Variants in CCDC14 observed in about 807,000 individuals in gnomAD.
CCDC14 encodes coiled-coil domain containing 14, also known as coiled-coil domain-containing protein 14.
Under a neutral mutation model 81.4 loss-of-function variants are expected in CCDC14, and 71 were observed. The ratio of observed to expected loss-of-function variants is 0.87; its 90% CI spans 0.72 to 1.06. The LOEUF (loss-of-function observed/expected upper bound fraction) is 1.06, where lower values mean the gene tolerates loss of function less well. Among genes scored for constraint, CCDC14 ranks in the 50% least tolerant of loss-of-function variants. CCDC14 has a pLI of 0.00. For missense variants in CCDC14, 1,046 were observed against 1,047.3 expected (o/e 1.00, Z 0.02); for synonymous variants, 332 against 364.8 (o/e 0.91, Z 1.03).
At chr3:123,907,477 G>A (rs929675338) in intron 5 of CCDC14, among the ~76,000 whole-genome samples, 5 of 151,680 alleles carry the variant, frequency 3.3e-5, no homozygotes, top group African/African-American at 1.2e-4. Flanking sequence ...GGAGGCCAAG[G>A]CATGAGGATT....
At chr3:123,892,690 C>T (rs10934654), downstream of CCDC14, among the ~76,000 whole-genome samples, 22,203 of 145,186 alleles carry the variant, frequency 0.15, 2,865 homozygotes, top group East Asian at 0.38. Flanking sequence ...TCCTCCAATT[C>T]GACATGAGAT....
the CCDC14 span, among the ~76,000 whole-genome samples, chr3:123,887,556 C>T: frequency 0.074 from 11,219 of 151,954 alleles, 688 homozygotes; most frequent in East Asian, 0.35. Context: ...CTGGGAAGTC[C>T]AAGATCAAGG....
chr3:123,952,639 A>G (rs1287832872), intron 5 of CCDC14: 6 of 528,082 alleles, frequency 1.1e-5, no homozygotes, highest in South Asian at 7.1e-5. Flanking sequence ...TTCAATGATC[A>G]TATCATCCCA....
At position 123,942,525 on chromosome 3, in the gene CCDC14, C is replaced by T. The variant is rs75342037; in HGVS notation, c.1343+2324G>A. Among the ~76,000 whole-genome samples, 93 of 152,152 alleles carry T rather than the reference C, an allele frequency of 6.1e-4. 2 individuals carry two copies. In the South Asian group the frequency reaches 0.011, roughly 18 times the overall value. On this transcript the variant is annotated intron_variant, in intron 9 of 12. Coordinates refer to ENST00000409697, the MANE Select transcript of CCDC14 (RefSeq NM_001366335.1). ...CAAAGAATCCTAAATGAGTGCATCTCACTAGCTATCATGCCTCTACAGGCT... is the reference window on the plus strand; with the variant it reads ...CAAAGAATCCTAAATGAGTGCATCTTACTAGCTATCATGCCTCTACAGGCT...
At chr3:123,943,340 T>C (rs913573570) in intron 9 of CCDC14, among the ~76,000 whole-genome samples, 4 of 152,042 alleles carry the variant, frequency 2.6e-5, no homozygotes, top group Admixed American at 2.0e-4. Context: ...AATATTCAGG[T>C]ACTTTAGGCC....
In CCDC14 at chr3:123,915,491, G is replaced by T. The variant is rs1176859713; in HGVS notation, c.2006C>A (p.Thr669Asn). Residue 669 changes from threonine to asparagine, a missense_variant, in exon 13 of 13, where the codon ACC (threonine) becomes AAC (asparagine). Coordinates refer to ENST00000409697, the MANE Select transcript of CCDC14 (RefSeq NM_001366335.1). ...EPLSTIKNEETIEPDKTYENV... is the reference protein window; with the variant it reads ...EPLSTIKNEENIEPDKTYENV... ...TTCATAGGTTTTGTCTGGCTCTATG[G>T]TTTCCTCATTTTTAATTGTAGAAAG... The T allele has an allele frequency of 1.2e-6, 2 of 1,613,908 alleles. No individual in the cohort carries two copies. Among genetic ancestry groups the T allele is most frequent in the East Asian group, 4.5e-5 (2 of 44,876 alleles).
intron 5 of CCDC14, chr3:123,952,450 C>G (rs2037072052): frequency 3.3e-6 from 1 of 304,980 alleles, no homozygotes. Flanking sequence ...TGAAAGCATT[C>G]AACACAGTTA....
intron 5 of CCDC14, chr3:123,954,279 T>C (rs1163019109): frequency 1.3e-5 from 2 of 152,192 alleles, no homozygotes; most frequent in Non-Finnish European, 2.9e-5. Context: ...ATAAATATTT[T>C]AGGTTTAGCA....
chr3:123,892,548 A>G (rs1458797820), downstream of CCDC14, among the ~76,000 whole-genome samples: 3 of 152,204 alleles, frequency 2.0e-5, no homozygotes, highest in Non-Finnish European at 4.4e-5. Flanking sequence ...TTCTGCAGCC[A>G]GCTTGACTTT....
rs187026153 is a variant in CCDC14, at chr3:123,948,788, G to A, written c.590-3C>T. On this transcript the variant is annotated splice_polypyrimidine_tract_variant and splice_region_variant and intron_variant, in intron 6 of 12. Transcript: ENST00000409697. ...AGAATGAGGAGTTGCCTGAGATTCTGTAAGTAAGAGGGAGAAAAAATTAAT... is the reference window on the plus strand; with the variant it reads ...AGAATGAGGAGTTGCCTGAGATTCTATAAGTAAGAGGGAGAAAAAATTAAT... 1.3e-6 allele frequency: 2 copies of A among 1,591,288 alleles called. No homozygotes were observed. Among genetic ancestry groups the A allele is most frequent in the African/African-American group, 1.4e-5 (1 of 73,638 alleles).
chr3:123,897,853 G>A (rs1455563470), intron 5 of CCDC14, among the ~76,000 whole-genome samples: 1 of 152,134 alleles, frequency 6.6e-6, no homozygotes, highest in Non-Finnish European at 1.5e-5. Flanking sequence ...CACATCAAAG[G>A]CCATGTTTAC....
At chr3:123,889,037 C>A in the CCDC14 span, among the ~76,000 whole-genome samples, 70,642 of 152,058 alleles carry the variant, frequency 0.46, 18,691 homozygotes, top group Non-Finnish European at 0.62. Flanking sequence ...GCCTATGAAC[C>A]TGTAAAATCA....
rs768207248 is a variant in CCDC14, at chr3:123,956,037, A to C, written c.229+9T>G. ...TAAGGTGATCAGCAAAGAATTAAAA[A>C]AAAAAAACCTGAATCTTCATTTCTC... On this transcript the variant is annotated intron_variant, in intron 4 of 12. Transcript: ENST00000409697. The C allele has an allele frequency of 4.5e-6, 7 of 1,538,700 alleles. No homozygotes were observed. The South Asian group carries it at 8.7e-5, about 19-fold the overall frequency.
At chr3:123,950,104 A>C (rs2036919216) in intron 5 of CCDC14, among the ~76,000 whole-genome samples, 2 of 152,230 alleles carry the variant, frequency 1.3e-5, no homozygotes. Context: ...TCTGAATACT[A>C]TTTCCCTAAT....
chr3:123,927,705 C>T (rs1028477372), intron 12 of CCDC14, among the ~76,000 whole-genome samples: 3 of 151,806 alleles, frequency 2.0e-5, no homozygotes, highest in African/African-American at 7.3e-5. Context: ...AAGTCTGTAT[C>T]TAATATTCTA....
chr3:123,890,807 C>T, the CCDC14 span, among the ~76,000 whole-genome samples: 2 of 152,180 alleles, frequency 1.3e-5, no homozygotes, highest in South Asian at 2.1e-4. Flanking sequence ...CCTCTTCTCA[C>T]AGCTCCACTA....
intron 5 of CCDC14, among the ~76,000 whole-genome samples, chr3:123,901,370 A>G (rs1318291498): frequency 6.6e-6 from 1 of 152,262 alleles, no homozygotes; most frequent in Non-Finnish European, 1.5e-5. Context: ...GGAACAGAAT[A>G]AATAATTAAT....
At chr3:123,941,770 A>T (rs951636291) in intron 9 of CCDC14, among the ~76,000 whole-genome samples, 2 of 152,076 alleles carry the variant, frequency 1.3e-5, no homozygotes, top group African/African-American at 2.4e-5. Context: ...AATACCTTTT[A>T]AAAAAACTAG....
chr3:123,887,438 A>T, the CCDC14 span, among the ~76,000 whole-genome samples: 1 of 151,678 alleles, frequency 6.6e-6, no homozygotes, highest in East Asian at 1.9e-4. Flanking sequence ...GATTCAAACT[A>T]CTTGGTGTCT....
Sources: gnomAD v4.1 joint callset for allele counts (sites outside exome capture counted in the v4.1 genomes callset) on GRCh38, gnomAD v4.1.1 for gene constraint, MANE v1.5 for transcripts, NCBI Gene and HGNC (gene_info 2026-07-23, HGNC 2026-07-21) for gene names.